Variants in MORN3 observed in about 807,000 individuals in gnomAD.
The protein encoded by MORN3 is MORN repeat containing 3, also known as MORN repeat-containing protein 3.
Under a neutral mutation model 34.7 loss-of-function variants are expected in MORN3, and 38 were observed. The observed-to-expected ratio is 1.10, with a 90% CI of 0.85 to 1.44. The LOEUF is 1.44. Among genes scored for constraint, MORN3 ranks in the 40% most tolerant of loss-of-function variants. MORN3 has a pLI of 0.00. For synonymous variants in MORN3, 109 were observed against 115.3 expected, an observed-to-expected ratio of 0.95 and a Z score of 0.35; for missense variants, 311 against 321.7, an observed-to-expected ratio of 0.97 and a Z score of 0.25.
chr12:121,664,061 A>G (rs1024670118), intron 1 of MORN3, among the ~76,000 whole-genome samples: 1 of 152,136 alleles, frequency 6.6e-6, no homozygotes, highest in Admixed American at 6.6e-5. Context: ...AGTTGGTCCA[A>G]TGAGACTCCG....
rs1177867628 is a variant in MORN3 at position 121,648,995 on chromosome 12, C to G, written c.*2656G>C. ...TTGCCCAGGCTGGAGAGCAGCGGCA[C>G]GATCTCGGCTCGGCGTGATCTTGGC... On this transcript the variant is annotated 3_prime_UTR_variant, in exon 6 of 6. Coordinates refer to ENST00000355329, the MANE Select transcript of MORN3 (RefSeq NM_173855.5). 1 of 151,528 alleles carries G rather than the reference C, an allele frequency of 6.6e-6. No homozygotes were observed. Among genetic ancestry groups the G allele is most frequent in the African/African-American group, 2.4e-5 (1 of 41,150 alleles). 9.4% of individuals were successfully genotyped at this position (151,528 alleles called of 1,614,324 possible).
rs1470160955 is a variant in MORN3, at chr12:121,649,327, C to T, written c.*2324G>A. 2 of 152,206 alleles carry T rather than the reference C, an allele frequency of 1.3e-5. No homozygotes were observed. The highest frequency in any genetic ancestry group is 2.9e-5 in the Non-Finnish European group (2 of 68,074). 9.4% of individuals were successfully genotyped at this position (152,206 alleles called of 1,614,324 possible). A position where few individuals can be genotyped will look rare whatever the true frequency, so the allele number is the denominator to read the frequency against. On this transcript the variant is annotated 3_prime_UTR_variant, in exon 6 of 6. Coordinates refer to ENST00000355329, the MANE Select transcript of MORN3 (RefSeq NM_173855.5). Reference sequence around the variant, plus strand: ...GCTAGACCTAAGTTTAAGCACAGTACTAGCTTGATGACTTGTGATCCTCCC... The same window carrying T: ...GCTAGACCTAAGTTTAAGCACAGTATTAGCTTGATGACTTGTGATCCTCCC...
chr12:121,653,060 G>C lies in MORN3; in HGVS notation c.648+15C>G. 3 of 1,594,900 alleles carry C rather than the reference G, an allele frequency of 1.9e-6. No homozygotes were observed. The highest frequency in any genetic ancestry group is 2.6e-6 in the Non-Finnish European group (3 of 1,171,352). ...GTCTGGGTGTGGCCACAGGGCCCTG[G>C]TGAGGGCTGCCCACCTCAGGAATGG... On this transcript the variant is annotated intron_variant, in intron 4 of 5. Coordinates refer to ENST00000355329, the MANE Select transcript of MORN3 (RefSeq NM_173855.5).
At chr12:121,659,540 C>CTTTCTTTCT (rs1555326103) in intron 1 of MORN3, among the ~76,000 whole-genome samples, 192 bp from the exon 2 acceptor site, 1 of 135,880 alleles carries the variant, frequency 7.4e-6, no homozygotes, top group African/African-American at 3.0e-5. Context: ...TTCTTTCTTT[C>CTTTCTTTCT]TTTTTTTTTT....
At chr12:121,651,892 A>G (rs1555325139) in intron 5 of MORN3, among the ~76,000 whole-genome samples, 1 of 152,146 alleles carries the variant, frequency 6.6e-6, no homozygotes, top group East Asian at 1.9e-4. Flanking sequence ...GGTTTCAGGC[A>G]GGACTGGAAT....
At chr12:121,661,625 C>T (rs2136877309) in intron 1 of MORN3, among the ~76,000 whole-genome samples, 1 of 152,218 alleles carries the variant, frequency 6.6e-6, no homozygotes, top group East Asian at 1.9e-4. Context: ...GCCTGTAACC[C>T]AGCAGTTTGG....
upstream of MORN3, among the ~76,000 whole-genome samples, chr12:121,672,174 G>A (rs2720021): frequency 0.51 from 77,879 of 151,900 alleles, 21,285 homozygotes; most frequent in African/African-American, 0.71. Flanking sequence ...AACAAAGACC[G>A]GCCTGGCGGC....
intron 2 of MORN3, among the ~76,000 whole-genome samples, chr12:121,654,930 T>C (rs1893372148): frequency 6.6e-6 from 1 of 152,094 alleles, no homozygotes; most frequent in South Asian, 2.1e-4. Context: ...CATGCTCTGT[T>C]TCTCTCTGTC....
At chr12:121,659,389 C>T (rs1325301320) in intron 1 of MORN3, 41 bp from the exon 2 acceptor site, 3 of 1,467,592 alleles carry the variant, frequency 2.0e-6, no homozygotes, top group Non-Finnish European at 2.9e-6. Flanking sequence ...ACATGGCCGC[C>T]GGGGGGTGGG....
At chr12:121,672,107 A>T (rs1338048795), upstream of MORN3, among the ~76,000 whole-genome samples, 1 of 152,104 alleles carries the variant, frequency 6.6e-6, no homozygotes, top group East Asian at 1.9e-4. Flanking sequence ...CTGTAGTCCT[A>T]ACACCTGAGC....
chr12:121,663,767 ATTTTTTTT>A (rs58118256), intron 1 of MORN3, among the ~76,000 whole-genome samples: 1,776 of 147,966 alleles, frequency 0.012, 37 homozygotes, highest in African/African-American at 0.042. Flanking sequence ...TTATTTTTTT[ATTTTTTTT>A]TTCCTCTCTC....
At chr12:121,669,829 TA>T (rs1329262956), upstream of MORN3, among the ~76,000 whole-genome samples, 527 of 118,208 alleles carry the variant, frequency 4.5e-3, 12 homozygotes, top group African/African-American at 0.014. Flanking sequence ...TATATATATA[TA>T]TATTTTTTTT....
intron 2 of MORN3, among the ~76,000 whole-genome samples, chr12:121,654,637 A>T (rs1893362346): frequency 6.6e-6 from 1 of 151,862 alleles, no homozygotes. Flanking sequence ...CCACTCTGTC[A>T]CCCAGGCTGG....
In MORN3 at chr12:121,650,095, G is replaced by C. The variant is rs1390364764; in HGVS notation, c.*1556C>G. ...ACAGTAACTAACCACAGTAACCCCA[G>C]GTGGTAAGTACTGTTAATGCCCCAT... On this transcript the variant is annotated 3_prime_UTR_variant, in exon 6 of 6. Transcript: ENST00000355329. The C allele has an allele frequency of 8.6e-5, 13 of 151,888 alleles. No individual in the cohort carries two copies. Among genetic ancestry groups the C allele is most frequent in the African/African-American group, 3.1e-4 (13 of 41,342 alleles). 9.4% of individuals were successfully genotyped at this position (151,888 alleles called of 1,614,324 possible).
intron 1 of MORN3, among the ~76,000 whole-genome samples, chr12:121,662,005 G>A (rs913198575): frequency 3.0e-4 from 45 of 151,924 alleles, no homozygotes; most frequent in African/African-American, 1.1e-3. Context: ...AGTGAAATAA[G>A]CCAAGCAGAG....
upstream of MORN3, among the ~76,000 whole-genome samples, chr12:121,670,822 A>C (rs1382002108): frequency 6.7e-6 from 1 of 150,070 alleles, no homozygotes; most frequent in East Asian, 2.0e-4. Flanking sequence ...AAATAATAAT[A>C]AAATAGGCCG....
chr12:121,668,605 T>G (rs1893848805), intron 1 of MORN3, among the ~76,000 whole-genome samples: 1 of 151,920 alleles, frequency 6.6e-6, no homozygotes, highest in Non-Finnish European at 1.5e-5. Flanking sequence ...TCCCAGCAAT[T>G]CAGGAGGCTT....
At chr12:121,664,621 T>C (rs1040795753) in intron 1 of MORN3, among the ~76,000 whole-genome samples, 1 of 152,056 alleles carries the variant, frequency 6.6e-6, no homozygotes, top group African/African-American at 2.4e-5. Context: ...TAACCGGGCA[T>C]GGTAGCAGGT....
At chr12:121,669,039 A>C (rs1356222876) in intron 1 of MORN3, among the ~76,000 whole-genome samples, 1 of 152,164 alleles carries the variant, frequency 6.6e-6, no homozygotes, top group Non-Finnish European at 1.5e-5. Context: ...TGCTTAACCC[A>C]GGTCTCAGAA....
Sources: gnomAD v4.1 joint callset for allele counts (sites outside exome capture counted in the v4.1 genomes callset) on GRCh38, gnomAD v4.1.1 for gene constraint, MANE v1.5 for transcripts, NCBI Gene and HGNC (gene_info 2026-07-23, HGNC 2026-07-21) for gene names.